The following NKAIN2 variants were observed in gnomAD, a reference collection of about 807,000 sequenced individuals.
The protein encoded by NKAIN2 is sodium/potassium-transporting ATPase subunit beta-1-interacting protein 2.
In NKAIN2, 14 loss-of-function variants were observed where a neutral mutation model predicts 32.6. That is an observed-to-expected ratio of 0.43 (90% CI 0.28 to 0.67). The LOEUF (loss-of-function observed/expected upper bound fraction) is 0.67. NKAIN2 is among the 30% of genes least tolerant of loss of function. The pLI is 0.17. For synonymous variants in NKAIN2, 80 were observed against 87.2 expected (o/e 0.92, Z 0.46); for missense variants, 198 against 258.3 (o/e 0.77, Z 1.60).
intron 2 of NKAIN2, among the ~76,000 whole-genome samples, chr6:124,300,195 T>C (rs1424809819): frequency 6.6e-6 from 1 of 152,206 alleles, no homozygotes; most frequent in Admixed American, 6.5e-5. Flanking sequence ...CAGGTGGAGA[T>C]AATTGAATCA....
chr6:124,147,924 C>T (rs1267670838), intron 1 of NKAIN2, among the ~76,000 whole-genome samples: 1 of 152,088 alleles, frequency 6.6e-6, no homozygotes, highest in Non-Finnish European at 1.5e-5. Context: ...AACTTCCCCT[C>T]CCATCTTAAA....
chr6:124,403,483 C>G (rs1477569125), intron 3 of NKAIN2, among the ~76,000 whole-genome samples: 1 of 152,096 alleles, frequency 6.6e-6, no homozygotes. Context: ...GAGTTATTCT[C>G]CAAAGTTATT....
chr6:123,839,753 T>G (rs185921783), intron 1 of NKAIN2, among the ~76,000 whole-genome samples: 81 of 152,254 alleles, frequency 5.3e-4, no homozygotes, highest in African/African-American at 1.9e-3. Context: ...TTTTGATTCA[T>G]GGGTATTTAT....
chr6:124,121,910 T>G, intron 1 of NKAIN2: 1 of 1,245,090 alleles, frequency 8.0e-7, no homozygotes, highest in South Asian at 1.3e-5. Context: ...ATTAGGTTTC[T>G]CTTATTATAT....
At chr6:124,099,425 G>C (rs115549344) in intron 1 of NKAIN2, among the ~76,000 whole-genome samples, 1,662 of 152,294 alleles carry the variant, frequency 0.011, 34 homozygotes, top group African/African-American at 0.036. Context: ...CAAAATTGCT[G>C]TCTATCTAGA....
intron 4 of NKAIN2, among the ~76,000 whole-genome samples, chr6:124,725,165 T>G (rs563281400): frequency 1.2e-4 from 19 of 152,316 alleles, no homozygotes; most frequent in African/African-American, 4.3e-4. Flanking sequence ...CTAGAATATC[T>G]TCTCACTTCT....
chr6:124,638,593 A>C (rs978423775), intron 3 of NKAIN2, among the ~76,000 whole-genome samples: 6 of 152,110 alleles, frequency 3.9e-5, no homozygotes, highest in African/African-American at 1.4e-4. Context: ...CATATAATTC[A>C]ATTAAAAGAT....
intron 1 of NKAIN2, among the ~76,000 whole-genome samples, chr6:124,031,052 T>C (rs1231345880): frequency 6.6e-6 from 1 of 151,960 alleles, no homozygotes; most frequent in Non-Finnish European, 1.5e-5. Flanking sequence ...GAAGTTGATA[T>C]GTATATAGGG....
intron 1 of NKAIN2, among the ~76,000 whole-genome samples, chr6:124,044,968 C>T (rs1251356934): frequency 6.6e-6 from 1 of 151,942 alleles, no homozygotes; most frequent in African/African-American, 2.4e-5. Context: ...TTGACTCCCA[C>T]AGGCACCCAA....
intron 1 of NKAIN2, among the ~76,000 whole-genome samples, chr6:124,103,084 T>C (rs1784965491): frequency 6.6e-6 from 1 of 152,184 alleles, no homozygotes; most frequent in South Asian, 2.1e-4. Flanking sequence ...CCTGAACAAA[T>C]GATGATTTTT....
At chr6:124,472,677 G>A (rs1445222335) in intron 3 of NKAIN2, among the ~76,000 whole-genome samples, 1 of 150,744 alleles carries the variant, frequency 6.6e-6, no homozygotes, top group Non-Finnish European at 1.5e-5. Flanking sequence ...TTTAACGTGT[G>A]ATTATTGTGA....
At chr6:124,437,900 C>A (rs1775527776) in intron 3 of NKAIN2, 2 of 339,264 alleles carry the variant, frequency 5.9e-6, no homozygotes, top group African/African-American at 3.7e-5. Flanking sequence ...TTCTTAACCC[C>A]AGGTAACGGT....
chr6:123,972,486 T>C (rs1778388201), intron 1 of NKAIN2, among the ~76,000 whole-genome samples: 1 of 152,220 alleles, frequency 6.6e-6, no homozygotes, highest in African/African-American at 2.4e-5. Context: ...GTTTAAAATC[T>C]GAGTAGCTGA....
At position 124,561,389 on chromosome 6, in the gene NKAIN2, A is replaced by G. The variant is rs77798258; in HGVS notation, c.274-96797A>G. Among the ~76,000 whole-genome samples, 499 of 152,244 alleles carry G rather than the reference A, an allele frequency of 3.3e-3. 3 individuals are homozygous for G. The highest frequency in any genetic ancestry group is 0.011 in the African/African-American group (470 of 41,546). On this transcript the variant is annotated intron_variant, in intron 3 of 6. Coordinates refer to ENST00000368417, the MANE Select transcript of NKAIN2 (RefSeq NM_001040214.3). Reference sequence around the variant, plus strand: ...CCAGCTATTATGTTAAACCTGGCCAATTTTGCATTTAGGCAGCATTGTGAA... The same window carrying G: ...CCAGCTATTATGTTAAACCTGGCCAGTTTTGCATTTAGGCAGCATTGTGAA...
chr6:124,288,487 A>G (rs73770400), intron 2 of NKAIN2, among the ~76,000 whole-genome samples: 7,171 of 152,232 alleles, frequency 0.047, 588 homozygotes, highest in African/African-American at 0.16. Flanking sequence ...AAATAACCTC[A>G]TGTTTCAAGA....
At chr6:124,214,710 A>G (rs1024117335) in intron 1 of NKAIN2, among the ~76,000 whole-genome samples, 2 of 152,166 alleles carry the variant, frequency 1.3e-5, no homozygotes, top group African/African-American at 2.4e-5. Context: ...AAAAAACAAA[A>G]CAACAAACAA....
At chr6:124,775,224 A>C (rs2114769605) in intron 4 of NKAIN2, among the ~76,000 whole-genome samples, 1 of 152,328 alleles carries the variant, frequency 6.6e-6, no homozygotes, top group South Asian at 2.1e-4. Context: ...AGATATTCAG[A>C]CAATATTTGA....
At chr6:123,874,488 A>G (rs1401999109) in intron 1 of NKAIN2, among the ~76,000 whole-genome samples, 1 of 152,174 alleles carries the variant, frequency 6.6e-6, no homozygotes, top group African/African-American at 2.4e-5. Flanking sequence ...CACCATCATT[A>G]TTGAATACAT....
Position 124,699,352 on chromosome 6 carries a change from A to G in NKAIN2, c.474+40966A>G, listed in dbSNP as rs530531059. On this transcript the variant is annotated intron_variant, in intron 4 of 6. Coordinates refer to ENST00000368417, the MANE Select transcript of NKAIN2 (RefSeq NM_001040214.3). ...GCATGGCAGCTCAGTTTGGAGGGGG[A>G]CGGCAACCCAGGAAAGTGCCTTCCT... 1.6e-4 allele frequency among the ~76,000 whole-genome samples: 24 copies of G among 151,860 alleles called. No individual in the cohort carries two copies. The East Asian group carries it at 1.9e-3, about 12-fold the overall frequency.
Sources: allele counts gnomAD v4.1 joint callset (sites outside exome capture counted in the v4.1 genomes callset), GRCh38; gene constraint gnomAD v4.1.1; transcripts MANE v1.5; gene names NCBI Gene and HGNC (gene_info 2026-07-23, HGNC 2026-07-21).